Variants in G3BP2 observed in about 807,000 individuals in gnomAD.
G3BP2 encodes the protein ras GTPase-activating protein-binding protein 2.
In G3BP2, 11 loss-of-function variants were observed where a neutral mutation model predicts 56.7. The observed-to-expected ratio is 0.19, with a 90% CI of 0.12 to 0.32. The LOEUF (loss-of-function observed/expected upper bound fraction) is 0.32, where lower values mean the gene tolerates loss of function less well. Ranked by LOEUF, G3BP2 falls within the 10% of genes least tolerant of loss-of-function variation. The probability of loss-of-function intolerance (pLI) is 1.00; values close to 1 mark genes in which losing one functional copy is unlikely to be tolerated. For synonymous variants in G3BP2, 165 were observed against 191.6 expected, an observed-to-expected ratio of 0.86 and a Z score of 1.15; for missense variants, 340 against 610.9, an observed-to-expected ratio of 0.56 and a Z score of 4.67.
chr4:75,682,837 G>T (rs936819280), intron 3 of G3BP2, among the ~76,000 whole-genome samples: 1 of 152,080 alleles, frequency 6.6e-6, no homozygotes, highest in East Asian at 1.9e-4. Flanking sequence ...AAAATTAGCT[G>T]GGCATGGTGG....
intron 5 of G3BP2, among the ~76,000 whole-genome samples, chr4:75,656,591 A>C (rs6531816): frequency 0.17 from 25,532 of 152,166 alleles, 2,223 homozygotes; most frequent in South Asian, 0.34. Flanking sequence ...CATTAAAAAA[A>C]AGGAAGCTTT....
At chr4:75,665,263 A>T (rs913174448) in intron 1 of G3BP2, among the ~76,000 whole-genome samples, 56 of 152,252 alleles carry the variant, frequency 3.7e-4, no homozygotes, top group African/African-American at 1.3e-3. Context: ...AAACTCTCAA[A>T]CTTGATTTAC....
rs7658254 is a variant in G3BP2, at chr4:75,702,969, T to C, written c.-25+17908A>G. On this transcript the variant is annotated intron_variant, in intron 3 of 3. Transcript: ENST00000499709. ...ACTTGGCCACTCCATTGGAATACTA[T>C]GATCTCCATATCAGGGAGGAGTCGA... Among the ~76,000 whole-genome samples the C allele has an allele frequency of 4.1e-3, 628 of 152,340 alleles. 1 individual carries two copies. The highest frequency in any genetic ancestry group is 0.014 in the African/African-American group (581 of 41,582).
intron 1 of G3BP2, among the ~76,000 whole-genome samples, chr4:75,670,597 T>C (rs922552872): frequency 6.6e-6 from 1 of 152,228 alleles, no homozygotes; most frequent in Non-Finnish European, 1.5e-5. Context: ...ATGGAAATGC[T>C]TGCTGTCCAC....
intron 5 of G3BP2, among the ~76,000 whole-genome samples, chr4:75,656,243 TG>T (rs1386678233): frequency 6.6e-6 from 1 of 151,922 alleles, no homozygotes; most frequent in Non-Finnish European, 1.5e-5. Flanking sequence ...CCACCCGCCC[TG>T]GCCTCCCAAA....
At chr4:75,654,834 T>A (rs955028404) in intron 7 of G3BP2, 3 of 493,650 alleles carry the variant, frequency 6.1e-6, no homozygotes, top group African/African-American at 4.0e-5. Flanking sequence ...TACTAAACAA[T>A]GCATACAGAC....
rs370885927 is a variant in G3BP2 at position 75,663,772 on chromosome 4, T to C, written c.-24-1723A>G. Among the ~76,000 whole-genome samples, 110 of 77,794 alleles carry C rather than the reference T, an allele frequency of 1.4e-3. No individual in the cohort carries two copies. In the East Asian group the frequency reaches 0.03, roughly 21 times the overall value. 51.0% of individuals were successfully genotyped at this position (77,794 alleles called of 152,430 possible). On this transcript the variant is annotated intron_variant, in intron 1 of 11. Transcript: ENST00000359707. ...CCACTCCGGAGGCTGAGGCAGAGAA[T>C]TGCTTGAACCCGGGAGGCGGAGGTT...
rs996198405 is a variant in G3BP2, at chr4:75,643,450, T to C, written c.*1980A>G. ...TTTCTGGTAAGAATTTCAAGTACTA[T>C]ATCAGAAAGTATAAAACTGTTTCAA... On this transcript the variant is annotated 3_prime_UTR_variant, in exon 12 of 12. Coordinates refer to ENST00000359707, the MANE Select transcript of G3BP2 (RefSeq NM_203505.3). 1 of 149,614 alleles carries C rather than the reference T, an allele frequency of 6.7e-6. No homozygotes were observed. The highest frequency in any genetic ancestry group is 2.5e-5 in the African/African-American group (1 of 40,466). 9.3% of individuals were successfully genotyped at this position (149,614 alleles called of 1,614,324 possible). A position where few individuals can be genotyped will look rare whatever the true frequency, so the allele number is the denominator to read the frequency against.
At chr4:75,698,089 A>G (rs542059884) in intron 3 of G3BP2, among the ~76,000 whole-genome samples, 1 of 152,352 alleles carries the variant, frequency 6.6e-6, no homozygotes, top group South Asian at 2.1e-4. Context: ...AGACCTGTGA[A>G]TATATTTCCT....
At chr4:75,645,854 C>T in intron 11 of G3BP2, 152 bp from the exon 12 acceptor site, 1 of 676,900 alleles carries the variant, frequency 1.5e-6, no homozygotes, top group African/African-American at 1.8e-5. Flanking sequence ...GTCACCCAGG[C>T]TGGTGACAGC....
chr4:75,703,003 A>G (rs1719406406), intron 3 of G3BP2, among the ~76,000 whole-genome samples: 1 of 152,132 alleles, frequency 6.6e-6, no homozygotes, highest in African/African-American at 2.4e-5. Context: ...GAGGCTCCTA[A>G]ACTCCCTCAG....
intron 1 of G3BP2, among the ~76,000 whole-genome samples, chr4:75,665,632 C>CAA (rs1732960387): frequency 1.6e-5 from 1 of 64,468 alleles, no homozygotes; most frequent in Non-Finnish European, 3.3e-5. Flanking sequence ...CACAAACACA[C>CAA]ACACACACAC....
Position 75,645,182 on chromosome 4 carries a change from GTTTAAGA to G in G3BP2, c.*241_*247del, listed in dbSNP as rs1239668252. 7.6e-6 allele frequency: 4 copies of G among 523,578 alleles called. No individual in the cohort carries two copies. Among genetic ancestry groups the G allele is most frequent in the Non-Finnish European group, 1.3e-5 (4 of 297,744 alleles). The allele number at this position is 523,578 out of a possible 1,614,324, so 32.4% of individuals were successfully genotyped here. ...TTTTAAGTTCACTTTGTCGTAGATA[GTTTAAGA>G]TATGGTCATTTCTCAGTCCTTAATT... On this transcript the variant is annotated 3_prime_UTR_variant, in exon 12 of 12. Coordinates refer to ENST00000359707, the MANE Select transcript of G3BP2 (RefSeq NM_203505.3).
chr4:75,717,517 G>T (rs1243139581), intron 3 of G3BP2, among the ~76,000 whole-genome samples: 2 of 152,048 alleles, frequency 1.3e-5, no homozygotes, highest in Non-Finnish European at 2.9e-5. Flanking sequence ...ACTTGCTTGG[G>T]GCATAGCCTC....
At chr4:75,651,214 G>A (rs369959575) in intron 8 of G3BP2, among the ~76,000 whole-genome samples, 6 of 152,118 alleles carry the variant, frequency 3.9e-5, no homozygotes, top group African/African-American at 1.4e-4. Context: ...TAAAGTGAGT[G>A]TATTACTGGC....
intron 3 of G3BP2, among the ~76,000 whole-genome samples, chr4:75,690,093 A>G (rs913992158): frequency 6.6e-6 from 1 of 152,212 alleles, no homozygotes; most frequent in African/African-American, 2.4e-5. Flanking sequence ...AATTAAATTC[A>G]CAAAGGTCAT....
intron 8 of G3BP2, among the ~76,000 whole-genome samples, chr4:75,652,043 A>G (rs1483974263): frequency 6.6e-6 from 1 of 152,248 alleles, no homozygotes; most frequent in East Asian, 1.9e-4. Context: ...TAGAAATATC[A>G]TGAATCCATT....
chr4:75,658,239 T>C (rs1049796743), intron 3 of G3BP2, among the ~76,000 whole-genome samples: 14 of 152,148 alleles, frequency 9.2e-5, no homozygotes, highest in African/African-American at 3.4e-4. Context: ...ATGTATAAAA[T>C]ACATCAATGA....
At position 75,682,741 on chromosome 4, in the gene G3BP2, G is replaced by A. The variant is rs185567788; in HGVS notation, c.-24-20692C>T. On this transcript the variant is annotated intron_variant, in intron 3 of 3. Coordinates refer to the G3BP2 transcript ENST00000499709. ...TCATGCCTGTAATCCCAGCACTTTG[G>A]GAGGCCAAGGCGGGCAGATCACGAG... Among the ~76,000 whole-genome samples, 81 of 152,072 alleles carry A rather than the reference G, an allele frequency of 5.3e-4. No individual in the cohort carries two copies. The Middle Eastern group carries it at 0.017, about 32-fold the overall frequency.
Sources: allele counts gnomAD v4.1 joint callset (sites outside exome capture counted in the v4.1 genomes callset), GRCh38; gene constraint gnomAD v4.1.1; transcripts MANE v1.5; gene names NCBI Gene and HGNC (gene_info 2026-07-23, HGNC 2026-07-21).